Variants in RBFOX1 observed in about 807,000 individuals in gnomAD.
RBFOX1 encodes RNA binding protein fox-1 homolog 1.
In RBFOX1, 8 loss-of-function variants were observed where a neutral mutation model predicts 57.7. That is an observed-to-expected ratio of 0.14 (90% CI 0.08 to 0.25). The LOEUF is 0.25. RBFOX1 is among the 10% of genes least tolerant of loss of function. The probability of loss-of-function intolerance (pLI) is 1.00; values close to 1 mark genes in which losing one functional copy is unlikely to be tolerated. For synonymous variants in RBFOX1, 326 were observed against 222.4 expected, an observed-to-expected ratio of 1.47 and a Z score of -4.15; for missense variants, 611 against 548.5, an observed-to-expected ratio of 1.11 and a Z score of -1.14.
chr16:6,322,502 T>A (rs2081930316), intron 2 of RBFOX1, among the ~76,000 whole-genome samples: 1 of 152,170 alleles, frequency 6.6e-6, no homozygotes, highest in East Asian at 1.9e-4. Flanking sequence ...TAAGCCCTCC[T>A]GATAATGAAT....
rs12447160 is a variant in RBFOX1, at chr16:6,090,991, A to C, written c.-127+70999A>C. Among the ~76,000 whole-genome samples the C allele has an allele frequency of 3.1e-3, 476 of 152,366 alleles. 3 individuals carry two copies. Among genetic ancestry groups the C allele is most frequent in the Non-Finnish European group, 5.3e-3 (360 of 68,036 alleles). ...ATTTTGGTACATCCCATGCATGTGCAATGGTCAAGTTAGGGTATTTAAGAT... is the reference window on the plus strand; with the variant it reads ...ATTTTGGTACATCCCATGCATGTGCCATGGTCAAGTTAGGGTATTTAAGAT... On this transcript the variant is annotated intron_variant, in intron 1 of 15. Coordinates refer to ENST00000550418, the MANE Select transcript of RBFOX1 (RefSeq NM_018723.4).
chr16:6,831,711 C>A (rs762957478), intron 3 of RBFOX1, among the ~76,000 whole-genome samples: 1 of 152,182 alleles, frequency 6.6e-6, no homozygotes, highest in Non-Finnish European at 1.5e-5. Context: ...TTTGCCCCTT[C>A]CTCCATCTCT....
chr16:7,319,184 A>T (rs1315581798), intron 4 of RBFOX1, among the ~76,000 whole-genome samples: 1 of 152,184 alleles, frequency 6.6e-6, no homozygotes, highest in African/African-American at 2.4e-5. Context: ...GGGAATCTCC[A>T]AGGAAGTGAG....
chr16:5,851,414 C>T (rs983875317), intron 3 of RBFOX1, among the ~76,000 whole-genome samples: 1 of 152,142 alleles, frequency 6.6e-6, no homozygotes, highest in Non-Finnish European at 1.5e-5. Flanking sequence ...CTCTGCATCC[C>T]TCCTCCTTAA....
chr16:6,813,239 G>A (rs576026420), intron 3 of RBFOX1, among the ~76,000 whole-genome samples: 3 of 152,182 alleles, frequency 2.0e-5, no homozygotes, highest in Admixed American at 6.5e-5. Context: ...ACACTTCTCC[G>A]GTTCCCCAGA....
rs78948008 is a variant in RBFOX1 at position 5,931,882 on chromosome 16, A to G, written c.351+64547A>G. Reference sequence around the variant, plus strand: ...GAGTACAGTGGCACAGTCCTAACTCACTGCAGCCTTGACCTCCTGGGCTCG... The same window carrying G: ...GAGTACAGTGGCACAGTCCTAACTCGCTGCAGCCTTGACCTCCTGGGCTCG... On this transcript the variant is annotated intron_variant, in intron 4 of 19. Coordinates refer to the RBFOX1 transcript ENST00000641259. Among the ~76,000 whole-genome samples, 313 of 152,218 alleles carry G rather than the reference A, an allele frequency of 2.1e-3. 2 individuals carry two copies. The highest frequency in any genetic ancestry group is 3.5e-3 in the Non-Finnish European group (241 of 67,996).
chr16:6,816,405 A>G (rs949723746), intron 3 of RBFOX1, among the ~76,000 whole-genome samples: 4 of 150,900 alleles, frequency 2.7e-5, no homozygotes, highest in African/African-American at 4.9e-5. Context: ...TTGTTGCCAG[A>G]CTGGCCCCTT....
intron 3 of RBFOX1, among the ~76,000 whole-genome samples, chr16:6,655,573 C>T (rs764089010): frequency 6.6e-6 from 1 of 151,972 alleles, no homozygotes; most frequent in Non-Finnish European, 1.5e-5. Context: ...GGAAAAGCAA[C>T]CGTTAGACAA....
At chr16:5,411,229 G>C (rs545300554) in intron 1 of RBFOX1, among the ~76,000 whole-genome samples, 3 of 152,326 alleles carry the variant, frequency 2.0e-5, no homozygotes, top group Admixed American at 6.5e-5. Context: ...CATGGCGAAA[G>C]GGACTTTGCA....
chr16:7,474,688 C>T (rs1293206845), intron 4 of RBFOX1, among the ~76,000 whole-genome samples: 1 of 152,172 alleles, frequency 6.6e-6, no homozygotes, highest in South Asian at 2.1e-4. Context: ...GGGTAAGTTA[C>T]GAATATGCTT....
At chr16:5,465,226 G>T (rs2068917211) in intron 1 of RBFOX1, among the ~76,000 whole-genome samples, 1 of 152,130 alleles carries the variant, frequency 6.6e-6, no homozygotes, top group Non-Finnish European at 1.5e-5. Context: ...CCTTGTAGGT[G>T]GCCATCTCCT....
intron 1 of RBFOX1, among the ~76,000 whole-genome samples, chr16:6,226,266 G>A (rs1206762333): frequency 4.0e-5 from 6 of 150,402 alleles, no homozygotes; most frequent in Admixed American, 6.7e-5. Flanking sequence ...CCAGGTACTC[G>A]GGAGGCTGAG....
At chr16:6,644,080 C>G (rs189886106) in intron 2 of RBFOX1, among the ~76,000 whole-genome samples, 2 of 152,292 alleles carry the variant, frequency 1.3e-5, no homozygotes, top group African/African-American at 4.8e-5. Flanking sequence ...GAGCCAAGAT[C>G]ACCCTACTGC....
intron 2 of RBFOX1, among the ~76,000 whole-genome samples, chr16:5,474,170 A>C (rs1215404697): frequency 1.3e-5 from 2 of 152,322 alleles, no homozygotes; most frequent in African/African-American, 4.8e-5. Flanking sequence ...GGATTATTCA[A>C]ACCCTACCCA....
exon 1 of RBFOX1, chr16:5,240,035 A>G: frequency 6.5e-7 from 1 of 1,531,910 alleles, no homozygotes; most frequent in Non-Finnish European, 8.7e-7. Context: ...GAGGACTGCG[A>G]GGACGGGAAG....
At chr16:5,920,044 C>T (rs2152226601) in intron 4 of RBFOX1, among the ~76,000 whole-genome samples, 1 of 152,364 alleles carries the variant, frequency 6.6e-6, no homozygotes, top group Non-Finnish European at 1.5e-5. Flanking sequence ...CGTCATTCTC[C>T]TGCCTCAGCC....
chr16:5,857,238 G>T (rs1264077900), intron 3 of RBFOX1, among the ~76,000 whole-genome samples: 2 of 152,088 alleles, frequency 1.3e-5, no homozygotes, highest in Non-Finnish European at 2.9e-5. Flanking sequence ...ACATTTATCA[G>T]GTAAACCTCC....
intron 4 of RBFOX1, among the ~76,000 whole-genome samples, chr16:7,053,103 T>C (rs2050674262): frequency 6.6e-6 from 1 of 152,226 alleles, no homozygotes; most frequent in South Asian, 2.1e-4. Context: ...ATTTACCTAA[T>C]GATAGTCTCA....
chr16:7,010,409 A>G (rs377617328), intron 3 of RBFOX1, among the ~76,000 whole-genome samples: 30 of 152,168 alleles, frequency 2.0e-4, no homozygotes, highest in African/African-American at 7.0e-4. Context: ...GGTGATTATT[A>G]TATGCATTGG....
Sources: gnomAD v4.1 joint callset for allele counts (sites outside exome capture counted in the v4.1 genomes callset) on GRCh38, gnomAD v4.1.1 for gene constraint, MANE v1.5 for transcripts, NCBI Gene and HGNC (gene_info 2026-07-23, HGNC 2026-07-21) for gene names.